The following FMN1 variants were observed in gnomAD, a reference collection of about 807,000 sequenced individuals.
FMN1 encodes formin-1.
FMN1 carries 110 observed loss-of-function variants against 132.4 expected under a neutral mutation model. The observed-to-expected ratio is 0.83, with a 90% CI of 0.71 to 0.97. FMN1 has a LOEUF of 0.97. Ranked by LOEUF, FMN1 falls within the 50% of genes least tolerant of loss-of-function variation. The pLI, the probability that FMN1 is intolerant of heterozygous loss-of-function variation, is 0.00. For missense variants in FMN1, 1,792 were observed against 1,705.3 expected (o/e 1.05, Z -0.90); for synonymous variants, 722 against 651.7 (o/e 1.11, Z -1.64).
chr15:33,082,092 A>AGTGTGTGT lies in FMN1; in HGVS notation c.2043+6706_2043+6707insACACACAC, dbSNP rs1566899546. 4.7e-4 allele frequency among the ~76,000 whole-genome samples: 41 copies of AGTGTGTGT among 87,982 alleles called. No individual in the cohort carries two copies. In the South Asian group the frequency reaches 6.1e-3, roughly 13 times the overall value. 57.7% of individuals were successfully genotyped at this position (87,982 alleles called of 152,430 possible). On this transcript the variant is annotated intron_variant, in intron 5 of 20. Transcript: ENST00000616417. ...CGCTTTGTCACCCAGGCTGGAAAAC[A>AGTGTGTGT]ATGTGTGTGTGTGTGTGTGTGTGTG...
intron 19 of FMN1, among the ~76,000 whole-genome samples, chr15:32,785,335 G>T (rs1218677962): frequency 6.7e-6 from 1 of 148,530 alleles, no homozygotes; most frequent in African/African-American, 2.5e-5. Flanking sequence ...AGGATTACAG[G>T]TGTAAGCCAT....
Position 32,769,707 on chromosome 15 carries a change from T to C in FMN1, c.*4603A>G, listed in dbSNP as rs2056163759. On this transcript the variant is annotated 3_prime_UTR_variant, in exon 21 of 21. Coordinates refer to ENST00000616417, the MANE Select transcript of FMN1 (RefSeq NM_001277313.2). ...AAAGGCTAAAAATTATCCACTCTTT[T>C]CAAATCCCATCAGCTTGGCCACACA... The C allele has an allele frequency of 6.6e-6, 1 of 152,234 alleles. No homozygotes were observed. The highest frequency in any genetic ancestry group is 2.1e-4 in the South Asian group (1 of 4,838). 9.4% of individuals were successfully genotyped at this position (152,234 alleles called of 1,614,324 possible).
Position 33,097,782 on chromosome 15 carries a change from A to C in FMN1, c.1868-8808T>G, listed in dbSNP as rs138014159. On this transcript the variant is annotated intron_variant, in intron 4 of 20. Transcript: ENST00000616417. ...AAATACATGAAGCAAAACTATCAGA[A>C]CTGAAATAATTACATAAATAGACAC... Among the ~76,000 whole-genome samples the C allele has an allele frequency of 9.8e-3, 1,496 of 152,354 alleles. 31 individuals carry two copies. Among genetic ancestry groups the C allele is most frequent in the African/African-American group, 0.034 (1,421 of 41,586 alleles).
At chr15:33,047,926 CT>C (rs2141156644) in intron 6 of FMN1, among the ~76,000 whole-genome samples, 1 of 152,074 alleles carries the variant, frequency 6.6e-6, no homozygotes, top group African/African-American at 2.4e-5. Context: ...ACTATTGGAT[CT>C]TCTTCTGTCT....
intron 17 of FMN1, among the ~76,000 whole-genome samples, chr15:32,836,664 T>C (rs749247466): frequency 6.6e-6 from 1 of 152,192 alleles, no homozygotes; most frequent in East Asian, 1.9e-4. Context: ...GATACACCCA[T>C]TGCTTGAGCA....
intron 3 of FMN1, among the ~76,000 whole-genome samples, chr15:33,173,286 G>A (rs1965395715): frequency 6.6e-6 from 1 of 152,188 alleles, no homozygotes; most frequent in Admixed American, 6.6e-5. Context: ...TGGATGAGGT[G>A]AGAGAGAAAG....
intron 17 of FMN1, among the ~76,000 whole-genome samples, chr15:32,855,176 AAAAAAAG>A (rs913409260): frequency 6.7e-6 from 1 of 149,710 alleles, no homozygotes; most frequent in Non-Finnish European, 1.5e-5. Context: ...AAAAAAAAAA[AAAAAAAG>A]AAAAAAGAAA....
At chr15:33,077,362 T>C (rs991060997) in intron 5 of FMN1, among the ~76,000 whole-genome samples, 16 of 95,512 alleles carry the variant, frequency 1.7e-4, no homozygotes, top group African/African-American at 3.4e-4. Context: ...TTAATATATA[T>C]ATATATATTT....
intron 6 of FMN1, among the ~76,000 whole-genome samples, chr15:33,009,241 C>T (rs1238254565): frequency 6.6e-6 from 1 of 152,160 alleles, no homozygotes; most frequent in African/African-American, 2.4e-5. Context: ...TCCAAGTTAC[C>T]ACCATCTCCA....
At chr15:32,933,605 C>A (rs1596303755) in intron 9 of FMN1, among the ~76,000 whole-genome samples, 1 of 152,094 alleles carries the variant, frequency 6.6e-6, no homozygotes, top group Admixed American at 6.6e-5. Flanking sequence ...GTATTTCTCC[C>A]TTTAGTTCTG....
At position 32,770,863 on chromosome 15, in the gene FMN1, A is replaced by G. The variant is rs538060644; in HGVS notation, c.*3447T>C. The stretch of plus-strand genomic sequence containing the variant: ...TTATAATTCCTGAGTAGTTGCAGTG[A>G]GTGTGTAGAAAGACACCATCATCAA... On this transcript the variant is annotated 3_prime_UTR_variant, in exon 21 of 21. Coordinates refer to ENST00000616417, the MANE Select transcript of FMN1 (RefSeq NM_001277313.2). 2 of 152,052 alleles carry G rather than the reference A, an allele frequency of 1.3e-5. No individual in the cohort carries two copies. 9.4% of individuals were successfully genotyped at this position (152,052 alleles called of 1,614,324 possible).
intron 6 of FMN1, among the ~76,000 whole-genome samples, chr15:33,017,681 A>C (rs1293797524): frequency 1.3e-5 from 2 of 152,206 alleles, no homozygotes; most frequent in African/African-American, 4.8e-5. Flanking sequence ...AAATATAAAA[A>C]TGTCAGTATC....
intron 7 of FMN1, among the ~76,000 whole-genome samples, chr15:32,988,418 G>C (rs1255032199): frequency 6.6e-6 from 1 of 152,166 alleles, no homozygotes; most frequent in Non-Finnish European, 1.5e-5. Flanking sequence ...GCGTGTTTGA[G>C]TTTGTGTCAT....
intron 4 of FMN1, among the ~76,000 whole-genome samples, chr15:33,120,326 C>T (rs1336829347): frequency 6.6e-6 from 1 of 152,146 alleles, no homozygotes; most frequent in East Asian, 1.9e-4. Context: ...CTTTATTCTC[C>T]TTGCTGACCC....
intron 16 of FMN1, among the ~76,000 whole-genome samples, chr15:32,885,478 T>C (rs536867296): frequency 1.1e-4 from 16 of 152,336 alleles, no homozygotes; most frequent in Admixed American, 3.9e-4. Context: ...GACTAGATCA[T>C]CACCTCTGAA....
chr15:33,150,332 A>AT, intron 4 of FMN1: 1 of 985,476 alleles, frequency 1.0e-6, no homozygotes. Context: ...AACATTCCAC[A>AT]TCAGTCTCCA....
chr15:32,880,389 G>A (rs567143477), intron 16 of FMN1, among the ~76,000 whole-genome samples: 6 of 152,132 alleles, frequency 3.9e-5, no homozygotes, highest in African/African-American at 1.4e-4. Flanking sequence ...CAAACGTTCA[G>A]ATATATTAGA....
chr15:32,884,322 C>A (rs1389618338), intron 16 of FMN1, among the ~76,000 whole-genome samples: 1 of 152,162 alleles, frequency 6.6e-6, no homozygotes, highest in African/African-American at 2.4e-5. Context: ...AGAGGCTTCC[C>A]ACATTCCTTG....
intron 4 of FMN1, among the ~76,000 whole-genome samples, chr15:33,134,116 T>C (rs1963661738): frequency 1.3e-5 from 2 of 152,004 alleles, no homozygotes; most frequent in African/African-American, 4.8e-5. Flanking sequence ...CCCAGCTAAT[T>C]TTTTGTATTT....
Sources: allele counts gnomAD v4.1 joint callset (sites outside exome capture counted in the v4.1 genomes callset), GRCh38; gene constraint gnomAD v4.1.1; transcripts MANE v1.5; gene names NCBI Gene and HGNC (gene_info 2026-07-23, HGNC 2026-07-21).